The following YIPF7 variants were observed in gnomAD, a reference collection of about 807,000 sequenced individuals.
YIPF7 encodes Yip1 domain family member 7.
YIPF7 carries 35 observed loss-of-function variants against 27.2 expected under a neutral mutation model. That is an observed-to-expected ratio of 1.29 (90% confidence interval 0.98 to 1.70). YIPF7 has a LOEUF of 1.70. YIPF7 is among the 40% of genes most tolerant of loss of function. The pLI is 0.00. For missense variants in YIPF7, 358 were observed against 303.7 expected, an observed-to-expected ratio of 1.18 and a Z score of -1.33; for synonymous variants, 137 against 110.4, an observed-to-expected ratio of 1.24 and a Z score of -1.51.
chr4:44,622,479 G>A lies in YIPF7; in HGVS notation c.706C>T (p.Gln236Ter), dbSNP rs1158675482. The change falls in exon 6 of 6, where the codon CAG becomes TAG. Residue 236 changes from glutamine (Q) to a stop codon, truncating the protein, a stop_gained. Transcript: ENST00000415895. LOFTEE classifies it high-confidence loss of function. ...FIAALHMEGQ[Q>*]LLVAYPCAIL... ...GCACAAGGGTAGGCAACAAGAAGCTGCTGTCCTTCCATGTGCAAGGCTGCA... is the reference window on the plus strand; with the variant it reads ...GCACAAGGGTAGGCAACAAGAAGCTACTGTCCTTCCATGTGCAAGGCTGCA... 1 of 1,613,820 alleles carries A rather than the reference G, an allele frequency of 6.2e-7. No individual in the cohort carries two copies. Among genetic ancestry groups the A allele is most frequent in the East Asian group, 2.2e-5 (1 of 44,858 alleles).
intron 2 of YIPF7, among the ~76,000 whole-genome samples, chr4:44,639,287 T>C (rs1189030560): frequency 6.6e-6 from 1 of 152,190 alleles, no homozygotes; most frequent in Non-Finnish European, 1.5e-5. Context: ...TTGGGCCTTA[T>C]GGTCATTTAA....
chr4:44,659,548 T>C (rs930154285), intron 2 of YIPF7, among the ~76,000 whole-genome samples: 1 of 152,164 alleles, frequency 6.6e-6, no homozygotes, highest in Non-Finnish European at 1.5e-5. Flanking sequence ...CTGTGGGAAG[T>C]ATTTAAACTC....
At chr4:44,648,772 C>T (rs1713618295) in intron 2 of YIPF7, among the ~76,000 whole-genome samples, 1 of 152,036 alleles carries the variant, frequency 6.6e-6, no homozygotes, top group South Asian at 2.1e-4. Context: ...ATAACAATTC[C>T]ATTAAGTAGG....
At chr4:44,653,531 C>T (rs1713801858), upstream of YIPF7, among the ~76,000 whole-genome samples, 1 of 151,890 alleles carries the variant, frequency 6.6e-6, no homozygotes, top group Admixed American at 6.6e-5. Flanking sequence ...AAATTCAGTC[C>T]AGGAAAATGA....
intron 4 of YIPF7, among the ~76,000 whole-genome samples, chr4:44,627,596 C>T (rs758531406): frequency 6.6e-6 from 1 of 152,078 alleles, no homozygotes; most frequent in South Asian, 2.1e-4. Flanking sequence ...TTTGGGGAGT[C>T]CTTTTTGCTT....
intron 5 of YIPF7, among the ~76,000 whole-genome samples, chr4:44,623,135 C>A (rs558675904): frequency 5.4e-4 from 82 of 152,262 alleles, no homozygotes; most frequent in Non-Finnish European, 9.7e-4. Context: ...CTTGAAGTTC[C>A]ATTTTGTATA....
chr4:44,659,828 T>A (rs1713992859), intron 2 of YIPF7, among the ~76,000 whole-genome samples: 1 of 152,002 alleles, frequency 6.6e-6, no homozygotes, highest in African/African-American at 2.4e-5. Flanking sequence ...TAAAACAAAA[T>A]CTTGGCCAGG....
intron 3 of YIPF7, among the ~76,000 whole-genome samples, chr4:44,632,039 T>A (rs1274168407): frequency 1.3e-5 from 2 of 152,108 alleles, no homozygotes; most frequent in Non-Finnish European, 2.9e-5. Context: ...CATAACTAAC[T>A]CCTGCTCATA....
At chr4:44,633,354 T>C (rs971141592) in intron 3 of YIPF7, among the ~76,000 whole-genome samples, 1 of 152,196 alleles carries the variant, frequency 6.6e-6, no homozygotes, top group African/African-American at 2.4e-5. Flanking sequence ...TAGAAAGTGG[T>C]AAATTAATGC....
chr4:44,627,249 A>G (rs1176222491), intron 4 of YIPF7, among the ~76,000 whole-genome samples: 1 of 152,192 alleles, frequency 6.6e-6, no homozygotes, highest in Non-Finnish European at 1.5e-5. Flanking sequence ...ATTTTGGGGA[A>G]AAGAATAAGT....
At chr4:44,644,904 T>C (rs377403985) in intron 2 of YIPF7, among the ~76,000 whole-genome samples, 1 of 152,152 alleles carries the variant, frequency 6.6e-6, no homozygotes, top group Non-Finnish European at 1.5e-5. Flanking sequence ...TGCTCTTTGA[T>C]AAAGTTATCA....
chr4:44,655,736 T>C (rs1156329465), upstream of YIPF7, among the ~76,000 whole-genome samples: 1 of 152,072 alleles, frequency 6.6e-6, no homozygotes, highest in African/African-American at 2.4e-5. Context: ...TTTTTATCAG[T>C]ATTCTTTAAA....
At chr4:44,648,843 T>C (rs1469705308) in intron 2 of YIPF7, among the ~76,000 whole-genome samples, 2 of 152,150 alleles carry the variant, frequency 1.3e-5, no homozygotes, top group Non-Finnish European at 2.9e-5. Flanking sequence ...CATACCAATA[T>C]CACAGACAGA....
intron 2 of YIPF7, among the ~76,000 whole-genome samples, chr4:44,642,757 C>T (rs566405035): frequency 1.3e-4 from 20 of 152,246 alleles, no homozygotes; most frequent in African/African-American, 4.3e-4. Context: ...ACCTCTCTCT[C>T]GATCCTGCTC....
intron 3 of YIPF7, among the ~76,000 whole-genome samples, chr4:44,630,781 A>C (rs150918535): frequency 0.014 from 2,066 of 152,308 alleles, 23 homozygotes; most frequent in Middle Eastern, 0.031. Context: ...CATCCCCTGA[A>C]CATAGAAATA....
intron 2 of YIPF7, among the ~76,000 whole-genome samples, chr4:44,638,677 G>T (rs1201403151): frequency 6.6e-6 from 1 of 151,990 alleles, no homozygotes; most frequent in African/African-American, 2.4e-5. Flanking sequence ...TATTTCTTTT[G>T]CTGTGCAGAA....
chr4:44,660,942 A>G (rs1258849674), intron 1 of YIPF7, among the ~76,000 whole-genome samples: 1 of 152,224 alleles, frequency 6.6e-6, no homozygotes. Context: ...AAAATAGACA[A>G]GGGAACTTTC....
rs371158339 is a variant in YIPF7, at chr4:44,635,929, C to G, written c.273G>C (p.Leu91Phe). Residue 91 changes from leucine (L) to phenylalanine (F), a missense_variant, in exon 3 of 6, where the codon TTG (leucine) becomes TTC (phenylalanine). Leu to Phe is a conservative substitution (Grantham distance 22). Transcript: ENST00000415895. Reference protein sequence around the residue: ...YIDSFDEEPPLLEELGIHFDH... With the variant: ...YIDSFDEEPPFLEELGIHFDH... ...AACACTTCCTTAACTTATCTTCTAGCAAAGGAGGCTCTTCATCAAAACTGT... is the reference window on the plus strand; with the variant it reads ...AACACTTCCTTAACTTATCTTCTAGGAAAGGAGGCTCTTCATCAAAACTGT... 1 of 1,613,580 alleles carries G rather than the reference C, an allele frequency of 6.2e-7. No homozygotes were observed. Among genetic ancestry groups the G allele is most frequent in the Non-Finnish European group, 8.5e-7 (1 of 1,179,682 alleles).
At chr4:44,631,642 CT>C (rs1274783872) in intron 3 of YIPF7, among the ~76,000 whole-genome samples, 1 of 151,630 alleles carries the variant, frequency 6.6e-6, no homozygotes, top group African/African-American at 2.4e-5. Flanking sequence ...TACATTTCTG[CT>C]TCCTTGTTTC....
Sources: allele counts gnomAD v4.1 joint callset (sites outside exome capture counted in the v4.1 genomes callset), GRCh38; gene constraint gnomAD v4.1.1; transcripts MANE v1.5; gene names NCBI Gene and HGNC (gene_info 2026-07-23, HGNC 2026-07-21).